The following ASGR2 variants were observed in gnomAD, a reference collection of about 807,000 sequenced individuals.
The protein encoded by ASGR2 is C-type lectin domain family 4 member H2.
ASGR2 carries 34 observed loss-of-function variants against 32.3 expected under a neutral mutation model. The observed-to-expected ratio is 1.05, with a 90% confidence interval of 0.80 to 1.40. ASGR2 has a LOEUF of 1.40. ASGR2 is among the 40% of genes most tolerant of loss of function. ASGR2 has a pLI of 0.00. For missense variants in ASGR2, 385 were observed against 386.4 expected (o/e 1.00, Z 0.03); for synonymous variants, 143 against 150.0 (o/e 0.95, Z 0.34).
chr17:7,110,322 C>A (rs1914464131), intron 2 of ASGR2, among the ~76,000 whole-genome samples: 1 of 150,868 alleles, frequency 6.6e-6, no homozygotes, highest in Admixed American at 6.6e-5. Context: ...TCCTCCAAGG[C>A]CTTTGCATTC....
intron 7 of ASGR2, among the ~76,000 whole-genome samples, chr17:7,105,769 G>A (rs964230551): frequency 1.3e-5 from 2 of 150,454 alleles, no homozygotes; most frequent in African/African-American, 4.9e-5. Flanking sequence ...CCAGGATGAA[G>A]CCAAGATTAA....
Position 7,111,611 on chromosome 17 carries a change from G to A in ASGR2, c.124+2506C>T, listed in dbSNP as rs181469529. The stretch of plus-strand genomic sequence containing the variant: ...GCAGAGCTTGCAGTGAGCCAAGATC[G>A]CGCCACTGCACTCCGGCCTGGGCAA... On this transcript the variant is annotated intron_variant, in intron 2 of 8. Transcript: ENST00000691900. Among the ~76,000 whole-genome samples, 566 of 150,382 alleles carry A rather than the reference G, an allele frequency of 3.8e-3. 2 individuals carry two copies. Among genetic ancestry groups the A allele is most frequent in the African/African-American group, 0.012 (511 of 40,882 alleles).
At chr17:7,103,251 T>C (rs1362725745) in intron 7 of ASGR2, among the ~76,000 whole-genome samples, 3 of 152,212 alleles carry the variant, frequency 2.0e-5, no homozygotes, top group Non-Finnish European at 4.4e-5. Flanking sequence ...CCTCTTCCGA[T>C]TGAGCATCAG....
chr17:7,108,974 A>C lies in ASGR2; in HGVS notation c.125-86T>G. On this transcript the variant is annotated intron_variant, in intron 2 of 8. Transcript: ENST00000691900. This position sits in a 1 kb window ranked among gnomAD's most constrained non-coding sequence, Gnocchi z 4.9. ...AGGGCACCGAAGCCTGAGGAGGCAT[A>C]ACCTGGGCGGGGGGATTGGTTGGGG... 3.1e-6 allele frequency: 3 copies of C among 955,584 alleles called. No individual in the cohort carries two copies. Among genetic ancestry groups the C allele is most frequent in the Non-Finnish European group, 4.4e-6 (3 of 677,188 alleles). The allele number at this position is 955,584 out of a possible 1,614,324, so 59.2% of individuals were successfully genotyped here. A position where few individuals can be genotyped will look rare whatever the true frequency, so the allele number is the denominator to read the frequency against.
intron 7 of ASGR2, among the ~76,000 whole-genome samples, chr17:7,106,427 A>G (rs1268711626): frequency 1.3e-5 from 2 of 152,236 alleles, no homozygotes; most frequent in Non-Finnish European, 2.9e-5. Context: ...GTTGAACTGC[A>G]TGAAACTGAC....
Position 7,107,168 on chromosome 17 carries a change from C to CA in ASGR2, c.497-18dup. 6.2e-7 allele frequency: 1 copy of CA among 1,614,152 alleles called. No homozygotes were observed. ...TTTGGGAGCCTGAGGGGACAGGGGG[C>CA]AGGGAGATGAGATCCAGCCGGAGGG... On this transcript the variant is annotated splice_polypyrimidine_tract_variant and intron_variant, in intron 6 of 8. Coordinates refer to ENST00000691900, the MANE Select transcript of ASGR2 (RefSeq NM_001201352.2). This position sits in a 1 kb window ranked among gnomAD's most constrained non-coding sequence, Gnocchi z 5.0.
At position 7,114,622 on chromosome 17, in the gene ASGR2, A is replaced by C; in HGVS notation, c.-78T>G. 1 of 1,059,728 alleles carries C rather than the reference A, an allele frequency of 9.4e-7. No homozygotes were observed. Among genetic ancestry groups the C allele is most frequent in the East Asian group, 7.9e-5 (1 of 12,720 alleles). The allele number at this position is 1,059,728 out of a possible 1,614,324, so 65.6% of individuals were successfully genotyped here. A position where few individuals can be genotyped will look rare whatever the true frequency, so the allele number is the denominator to read the frequency against. On this transcript the variant is annotated 5_prime_UTR_variant, in exon 1 of 9. Transcript: ENST00000691900. This position sits in a 1 kb window ranked among gnomAD's most constrained non-coding sequence, Gnocchi z 4.5. ...CTCCCCAGCCTCAGTTACCTGTGAA[A>C]GGTGTGGAGAGCGGACACCTGGCTC...
intron 7 of ASGR2, among the ~76,000 whole-genome samples, chr17:7,106,193 A>C (rs1023552564): frequency 6.6e-6 from 1 of 152,174 alleles, no homozygotes; most frequent in Non-Finnish European, 1.5e-5. Context: ...TTTAAAACAG[A>C]GATTCAAAAA....
intron 7 of ASGR2, 80 bp downstream of exon 7, chr17:7,106,918 AAT>A: frequency 1.1e-5 from 17 of 1,527,210 alleles, no homozygotes; most frequent in East Asian, 2.3e-5. Context: ...AAAAAAAAAA[AAT>A]GGATAAAATA....
chr17:7,113,878 G>A lies in ASGR2; in HGVS notation c.124+239C>T, dbSNP rs1395910214. ...GTGCACACGCACATACGAGGCACAT[G>A]TGTTCTTGGGTTGGGAGGAGAAGGG... is the stretch of plus-strand genomic sequence containing the variant. On this transcript the variant is annotated intron_variant, in intron 2 of 8. Transcript: ENST00000691900. The surrounding 1 kb of genome is among the most constrained non-coding windows in gnomAD (Gnocchi z 5.1). 6.6e-6 allele frequency among the ~76,000 whole-genome samples: 1 copy of A among 152,242 alleles called. No individual in the cohort carries two copies. Among genetic ancestry groups the A allele is most frequent in the Non-Finnish European group, 1.5e-5 (1 of 68,050 alleles).
chr17:7,110,267 C>T (rs1194973658), intron 2 of ASGR2, among the ~76,000 whole-genome samples: 8 of 152,144 alleles, frequency 5.3e-5, no homozygotes, highest in South Asian at 2.1e-4. Flanking sequence ...TGCCCACTCC[C>T]GCTCTGAGCA....
chr17:7,113,510 C>T lies in ASGR2; in HGVS notation c.124+607G>A, dbSNP rs936983918. Among the ~76,000 whole-genome samples the T allele has an allele frequency of 9.9e-5, 14 of 141,768 alleles. No individual in the cohort carries two copies. The South Asian group carries it at 2.2e-3, about 23-fold the overall frequency. 93.0% of individuals were successfully genotyped at this position (141,768 alleles called of 152,430 possible). A position where few individuals can be genotyped will look rare whatever the true frequency, so the allele number is the denominator to read the frequency against. On this transcript the variant is annotated intron_variant, in intron 2 of 8. Transcript: ENST00000691900. The surrounding 1 kb of genome is among the most constrained non-coding windows in gnomAD (Gnocchi z 5.1). ...CACAACACACACACAACATACACAA[C>T]GTACACACACACAACATACACACAC...
At chr17:7,109,824 A>C (rs543930761) in intron 2 of ASGR2, among the ~76,000 whole-genome samples, 258 of 151,548 alleles carry the variant, frequency 1.7e-3, no homozygotes, top group African/African-American at 5.7e-3. Context: ...ACTCCCTCCC[A>C]CACACACACA....
chr17:7,114,932 C>G (rs924505573), upstream of ASGR2: 9 of 981,600 alleles, frequency 9.2e-6, no homozygotes, highest in African/African-American at 8.8e-5. This position sits in a 1 kb window ranked among gnomAD's most constrained non-coding sequence, Gnocchi z 4.5. Context: ...GCGCTCAACT[C>G]CACACGCCAC....
chr17:7,111,468 A>G (rs887824569), intron 2 of ASGR2, among the ~76,000 whole-genome samples: 9 of 152,154 alleles, frequency 5.9e-5, no homozygotes, highest in East Asian at 1.9e-4. Context: ...CATCCTGGCT[A>G]ACATGGTGAA....
At chr17:7,112,970 ACAT>A (rs1200058071) in intron 2 of ASGR2, among the ~76,000 whole-genome samples, 1 of 152,128 alleles carries the variant, frequency 6.6e-6, no homozygotes, top group East Asian at 1.9e-4. Flanking sequence ...AGCCTGGGCA[ACAT>A]AGCAAGACCC....
intron 7 of ASGR2, among the ~76,000 whole-genome samples, chr17:7,104,748 G>A (rs113933734): frequency 0.13 from 19,588 of 151,850 alleles, 1,722 homozygotes; most frequent in African/African-American, 0.25. Context: ...AGGCCAAGGC[G>A]GGCGGATCAC....
At chr17:7,104,624 C>T (rs1413436605) in intron 7 of ASGR2, among the ~76,000 whole-genome samples, 1 of 152,004 alleles carries the variant, frequency 6.6e-6, no homozygotes, top group Non-Finnish European at 1.5e-5. Flanking sequence ...GCACTCCAGC[C>T]TGGGCGAAAG....
rs2289646 is a variant in ASGR2 at position 7,114,635 on chromosome 17, G to A, written c.-91C>T. ...GTTACCTGTGAAAGGTGTGGAGAGC[G>A]GACACCTGGCTCCCGCAGGCAACCC... On this transcript the variant is annotated 5_prime_UTR_variant, in exon 1 of 9. Coordinates refer to ENST00000691900, the MANE Select transcript of ASGR2 (RefSeq NM_001201352.2). The surrounding 1 kb of genome is among the most constrained non-coding windows in gnomAD (Gnocchi z 4.5). 0.061 allele frequency: 63,357 copies of A among 1,043,736 alleles called. 2,242 individuals are homozygous for A. Among genetic ancestry groups the A allele is most frequent in the East Asian group, 0.14 (1,629 of 11,814 alleles). 64.7% of individuals were successfully genotyped at this position (1,043,736 alleles called of 1,614,324 possible).
Sources: allele counts gnomAD v4.1 joint callset (sites outside exome capture counted in the v4.1 genomes callset), GRCh38; gene constraint gnomAD v4.1.1; non-coding constraint Gnocchi (gnomAD v3.1); transcripts MANE v1.5; gene names NCBI Gene and HGNC (gene_info 2026-07-23, HGNC 2026-07-21).